The following SCAP variants were observed in gnomAD, a reference collection of about 807,000 sequenced individuals.
The protein encoded by SCAP is sterol regulatory element-binding protein cleavage-activating protein.
Under a neutral mutation model 123.6 loss-of-function variants are expected in SCAP, and 65 were observed. That is an observed-to-expected ratio of 0.53 (90% CI 0.43 to 0.65). The LOEUF is 0.65. Among genes scored for constraint, SCAP ranks in the 30% least tolerant of loss-of-function variants. SCAP has a pLI of 0.00. For missense variants in SCAP, 1,398 were observed against 1,712.5 expected, an observed-to-expected ratio of 0.82 and a Z score of 3.24; for synonymous variants, 740 against 726.3, an observed-to-expected ratio of 1.02 and a Z score of -0.30.
chr3:47,429,568 C>T (rs568245405), intron 3 of SCAP, among the ~76,000 whole-genome samples: 4 of 152,258 alleles, frequency 2.6e-5, no homozygotes, highest in South Asian at 2.1e-4. Flanking sequence ...AGGCTGGTCT[C>T]GAACTCCTGG....
intron 1 of SCAP, among the ~76,000 whole-genome samples, chr3:47,446,213 G>A (rs1403153088): frequency 1.4e-4 from 18 of 129,912 alleles, no homozygotes; most frequent in East Asian, 9.2e-4. Context: ...TCGCTCTGTC[G>A]CCCAGGCTGG....
rs35628908 is a variant in SCAP at position 47,414,240 on chromosome 3, C to T, written c.3534G>A (p.Leu1178=). The change falls in exon 22 of 23, where the codon CTG becomes CTA. Residue 1178 remains leucine (L), a synonymous_variant. Coordinates refer to ENST00000265565, the MANE Select transcript of SCAP (RefSeq NM_012235.4). ...GGTCCCAGATGCTGATGAGGTCATC[C>T]AGGCCACTGCTGATGACACAGGAGG... ...CTTSCVISSG[L]DDLISIWDRS... 1.8e-3 allele frequency: 2,959 copies of T among 1,613,670 alleles called. 43 individuals carry two copies. The African/African-American group carries it at 0.033, about 18-fold the overall frequency.
In SCAP at chr3:47,427,600, G is replaced by C; in HGVS notation, c.478C>G (p.Leu160Val). 2 of 1,614,208 alleles carry C rather than the reference G, an allele frequency of 1.2e-6. No individual in the cohort carries two copies. The highest frequency in any genetic ancestry group is 1.7e-6 in the Non-Finnish European group (2 of 1,180,030). Residue 160 changes from leucine to valine, a missense_variant, in exon 5 of 23, where the codon CTC (leucine) becomes GTC (valine). Around this residue, in one of 7 missense-constraint regions of SCAP, gnomAD observed 319 missense variants for 432.4 expected, o/e 0.74. Transcript: ENST00000265565. ...VTDLLPGLRK[L>V]RNLLPEHGCL... Reference sequence around the variant, plus strand: ...CCATGCTCAGGGAGTAGGTTCCTGAGCTTCCTAAGGCCTGGCAGCAGGTCG... The same window carrying C: ...CCATGCTCAGGGAGTAGGTTCCTGACCTTCCTAAGGCCTGGCAGCAGGTCG...
At chr3:47,469,815 T>C (rs1707965028) in intron 1 of SCAP, 2 of 584,494 alleles carry the variant, frequency 3.4e-6, no homozygotes, top group South Asian at 2.8e-5. Context: ...TGCAAGGCTA[T>C]TACCCTGGGC....
intron 1 of SCAP, among the ~76,000 whole-genome samples, chr3:47,450,186 C>T (rs1390788541): frequency 8.1e-6 from 1 of 123,632 alleles, no homozygotes; most frequent in Non-Finnish European, 1.8e-5. Flanking sequence ...TTGGTAGAAA[C>T]GGGGTTTCAC....
rs1005309413 is a variant in SCAP, at chr3:47,418,963, C to T, written c.1941-120G>A. The stretch of plus-strand genomic sequence containing the variant: ...GCCTCAGCTCCACCGGCCAGACTCT[C>T]CCAGCATGGGGGGTTGGGGACAGAG... On this transcript the variant is annotated intron_variant, in intron 13 of 22. Transcript: ENST00000265565. 3.6e-6 allele frequency: 4 copies of T among 1,103,286 alleles called. No homozygotes were observed. The African/African-American group carries it at 4.8e-5, about 13-fold the overall frequency. 68.3% of individuals were successfully genotyped at this position (1,103,286 alleles called of 1,614,324 possible).
intron 8 of SCAP, among the ~76,000 whole-genome samples, chr3:47,425,090 C>T (rs144097981): frequency 1.6e-3 from 240 of 152,320 alleles, no homozygotes; most frequent in Non-Finnish European, 2.3e-3. Context: ...CTATCTCACA[C>T]CTCCAGTGGC....
At chr3:47,434,697 C>T (rs1706498808) in intron 3 of SCAP, among the ~76,000 whole-genome samples, 2 of 152,062 alleles carry the variant, frequency 1.3e-5, no homozygotes, top group South Asian at 4.1e-4. Context: ...ATTAGTTGGG[C>T]GTGGTGGCGC....
chr3:47,437,036 G>T (rs1706604964), intron 2 of SCAP, among the ~76,000 whole-genome samples: 1 of 152,230 alleles, frequency 6.6e-6, no homozygotes, highest in African/African-American at 2.4e-5. Context: ...GGCGCACATA[G>T]CAGATCATTG....
At chr3:47,469,938 A>C in intron 1 of SCAP, 1 of 435,316 alleles carries the variant, frequency 2.3e-6, no homozygotes, top group Non-Finnish European at 4.6e-6. Flanking sequence ...CCACAGCTCT[A>C]CTATTGTGAA....
rs758090248 is a variant in SCAP at position 47,427,657 on chromosome 3, T to C, written c.421A>G (p.Arg141Gly). 1.9e-6 allele frequency: 3 copies of C among 1,613,926 alleles called. No homozygotes were observed. The highest frequency in any genetic ancestry group is 2.5e-6 in the Non-Finnish European group (3 of 1,179,906). Residue 141 changes from arginine to glycine, a missense_variant, in exon 5 of 23, where the codon AGG becomes GGG. Arg to Gly is a moderately radical substitution (Grantham distance 125). Transcript: ENST00000265565. The stretch of plus-strand genomic sequence containing the variant: ...TGCAGACACAACTCCTCCAAGCTCC[T>C]GATCCCAGAGCTGCACAGGAGACAG... ...NHVLRDSSGI[R>G]SLEELCLQVT...
At chr3:47,457,814 G>A (rs1707483981) in intron 1 of SCAP, among the ~76,000 whole-genome samples, 1 of 152,166 alleles carries the variant, frequency 6.6e-6, no homozygotes, top group African/African-American at 2.4e-5. Flanking sequence ...GGCTGAGGCA[G>A]GAGAATGGCA....
intron 2 of SCAP, among the ~76,000 whole-genome samples, chr3:47,436,022 C>G (rs529295066): frequency 6.6e-6 from 1 of 152,144 alleles, no homozygotes; most frequent in African/African-American, 2.4e-5. Context: ...GCACTCCAGC[C>G]TGGGCAACAT....
At chr3:47,437,739 T>C (rs1166165241) in intron 2 of SCAP, among the ~76,000 whole-genome samples, 1 of 151,580 alleles carries the variant, frequency 6.6e-6, no homozygotes, top group East Asian at 1.9e-4. Flanking sequence ...GAGACCCCCG[T>C]CTCAAAAAAA....
intron 2 of SCAP, among the ~76,000 whole-genome samples, chr3:47,442,128 T>A (rs1376887437): frequency 6.6e-6 from 1 of 152,182 alleles, no homozygotes; most frequent in African/African-American, 2.4e-5. Flanking sequence ...CATCTATAAA[T>A]GTTTTAGACA....
Position 47,417,593 on chromosome 3 carries a change from T to G in SCAP, c.2681A>C (p.Glu894Ala), listed in dbSNP as rs1277837017. ...QPRSSQPTQP[E>A]PRHRAVCGRS... ...GCCACAGACCGCCCGGTGCCGGGGC[T>G]CGGGCTGAGTGGGCTGTGAGGACCG... Residue 894 changes from glutamate to alanine, a missense_variant, in exon 17 of 23, where the codon GAG becomes GCG. By Grantham distance (107) the Glu-to-Ala change is moderately radical. Around this residue, in one of 7 missense-constraint regions of SCAP, gnomAD observed 828 missense variants for 882.5 expected, o/e 0.94. Coordinates refer to ENST00000265565, the MANE Select transcript of SCAP (RefSeq NM_012235.4). 2 of 1,598,098 alleles carry G rather than the reference T, an allele frequency of 1.3e-6. No homozygotes were observed. Among genetic ancestry groups the G allele is most frequent in the Middle Eastern group, 1.7e-4 (1 of 6,006 alleles).
intron 1 of SCAP, among the ~76,000 whole-genome samples, chr3:47,445,874 ATTTTTTTTT>A (rs35996993): frequency 8.1e-6 from 1 of 122,734 alleles, no homozygotes; most frequent in Non-Finnish European, 1.7e-5. Flanking sequence ...CCCTGTCTCA[ATTTTTTTTT>A]TTTTTTTTTT....
intron 1 of SCAP, among the ~76,000 whole-genome samples, chr3:47,451,028 T>A (rs1707214295): frequency 8.6e-6 from 1 of 115,824 alleles, no homozygotes; most frequent in South Asian, 3.3e-4. Flanking sequence ...AAAAAAAAAA[T>A]GTTGTGGGGA....
At chr3:47,427,028 A>C in intron 6 of SCAP, 129 bp downstream of exon 6, 1 of 693,474 alleles carries the variant, frequency 1.4e-6, no homozygotes, top group Admixed American at 2.3e-5. Context: ...GTAAACATTC[A>C]ACAGGAGGCC....
Sources: allele counts gnomAD v4.1 joint callset (sites outside exome capture counted in the v4.1 genomes callset), GRCh38; gene constraint gnomAD v4.1.1; regional missense constraint gnomAD v4.1.1; transcripts MANE v1.5; gene names NCBI Gene and HGNC (gene_info 2026-07-23, HGNC 2026-07-21).